The following SNAP25 variants were observed in gnomAD, a reference collection of about 807,000 sequenced individuals.
SNAP25 encodes the protein synaptosome associated protein 25.
A neutral mutation model predicts 28.7 loss-of-function variants in SNAP25; 3 were observed. That is an observed-to-expected ratio of 0.10 (90% CI 0.05 to 0.27). The LOEUF is 0.27. Among genes scored for constraint, SNAP25 ranks in the 10% least tolerant of loss-of-function variants. SNAP25 has a pLI of 1.00. For missense variants in SNAP25, 117 were observed against 278.7 expected, an observed-to-expected ratio of 0.42 and a Z score of 4.13; for synonymous variants, 61 against 88.1, an observed-to-expected ratio of 0.69 and a Z score of 1.72.
At chr20:10,291,570 C>T (rs1452745587) in intron 4 of SNAP25, among the ~76,000 whole-genome samples, 2 of 152,164 alleles carry the variant, frequency 1.3e-5, no homozygotes, top group South Asian at 2.1e-4. Flanking sequence ...TTTAGCCTCA[C>T]GAAAGAAAAC....
At chr20:10,305,756 A>G (rs2064340445) in intron 7 of SNAP25, among the ~76,000 whole-genome samples, 1 of 152,168 alleles carries the variant, frequency 6.6e-6, no homozygotes, top group African/African-American at 2.4e-5. Context: ...AAGAAGTGTA[A>G]TTCAACTTGG....
At chr20:10,298,440 A>G (rs2123153103) in intron 6 of SNAP25, among the ~76,000 whole-genome samples, 1 of 152,300 alleles carries the variant, frequency 6.6e-6, no homozygotes, top group South Asian at 2.1e-4. Flanking sequence ...TTTTAGCTCA[A>G]TACCATATAT....
chr20:10,245,974 A>G (rs1443719680), intron 1 of SNAP25, among the ~76,000 whole-genome samples: 1 of 152,192 alleles, frequency 6.6e-6, no homozygotes, highest in Non-Finnish European at 1.5e-5. Flanking sequence ...CCTTTACCGA[A>G]GTCTGAGACT....
chr20:10,274,924 G>A (rs1387866244), intron 1 of SNAP25, among the ~76,000 whole-genome samples: 1 of 152,076 alleles, frequency 6.6e-6, no homozygotes, highest in East Asian at 1.9e-4. Flanking sequence ...TGGGTGGGTA[G>A]GAAATTTGGA....
chr20:10,289,728 T>A (rs1188227310), intron 4 of SNAP25, among the ~76,000 whole-genome samples: 2 of 149,442 alleles, frequency 1.3e-5, no homozygotes, highest in East Asian at 3.9e-4. Context: ...AGATTAATAG[T>A]ATTAATGCTT....
At chr20:10,256,684 T>C (rs1285562413) in intron 1 of SNAP25, among the ~76,000 whole-genome samples, 2 of 152,098 alleles carry the variant, frequency 1.3e-5, no homozygotes, top group Non-Finnish European at 2.9e-5. Context: ...GTAAATGCAA[T>C]GTTTGTGTAA....
intron 7 of SNAP25, 45 bp downstream of exon 7, chr20:10,299,457 G>A: frequency 6.3e-7 from 1 of 1,582,878 alleles, no homozygotes; most frequent in South Asian, 1.1e-5. Flanking sequence ...AGTCACTTCT[G>A]AAATGACCAA....
intron 1 of SNAP25, among the ~76,000 whole-genome samples, chr20:10,271,733 C>T (rs547472963): frequency 3.3e-4 from 49 of 149,292 alleles, no homozygotes; most frequent in African/African-American, 1.2e-3. Context: ...AGAGGGAGAG[C>T]GAGAGAGAGA....
chr20:10,267,320 A>G (rs572280521), intron 1 of SNAP25, among the ~76,000 whole-genome samples: 41 of 152,320 alleles, frequency 2.7e-4, no homozygotes, highest in African/African-American at 9.4e-4. Flanking sequence ...TCATTTGTCA[A>G]TTCAAGAAGA....
intron 1 of SNAP25, among the ~76,000 whole-genome samples, chr20:10,241,391 A>T (rs769704891): frequency 2.7e-4 from 41 of 152,086 alleles, no homozygotes; most frequent in Non-Finnish European, 4.6e-4. Flanking sequence ...GCCACTCCCC[A>T]TGTATTTACT....
intron 7 of SNAP25, 73 bp from the exon 8 acceptor site, chr20:10,306,056 G>A: frequency 6.9e-7 from 1 of 1,440,064 alleles, no homozygotes; most frequent in Non-Finnish European, 9.7e-7. Flanking sequence ...AGGAAGCATT[G>A]GACCCGGACC....
chr20:10,258,986 A>G (rs1314273279), intron 1 of SNAP25, among the ~76,000 whole-genome samples: 2 of 152,120 alleles, frequency 1.3e-5, no homozygotes, highest in Non-Finnish European at 2.9e-5. Flanking sequence ...AGAGCAAATA[A>G]TTTTCCGGAG....
chr20:10,292,371 G>A (rs2064016771), intron 4 of SNAP25, among the ~76,000 whole-genome samples: 1 of 152,182 alleles, frequency 6.6e-6, no homozygotes, highest in African/African-American at 2.4e-5. Context: ...GCTAGGGGAA[G>A]AAAAGACATC....
chr20:10,254,536 C>T (rs776116218), intron 1 of SNAP25, among the ~76,000 whole-genome samples: 1 of 152,204 alleles, frequency 6.6e-6, no homozygotes, highest in Admixed American at 6.5e-5. Context: ...CGCGCACTCC[C>T]ACCTCCAGTA....
intron 1 of SNAP25, among the ~76,000 whole-genome samples, chr20:10,274,641 A>G (rs2063655534): frequency 1.3e-5 from 2 of 152,174 alleles, no homozygotes; most frequent in African/African-American, 4.8e-5. Flanking sequence ...CAGGAGATCG[A>G]GACCATCCTG....
chr20:10,304,963 T>C (rs950705579), intron 7 of SNAP25, among the ~76,000 whole-genome samples: 3 of 152,236 alleles, frequency 2.0e-5, no homozygotes, highest in Admixed American at 1.3e-4. Flanking sequence ...GTTAATTTTA[T>C]ACAATTATGA....
intron 1 of SNAP25, among the ~76,000 whole-genome samples, chr20:10,264,345 G>A (rs999192437): frequency 4.6e-5 from 7 of 152,156 alleles, no homozygotes; most frequent in African/African-American, 1.7e-4. Flanking sequence ...TTTAGGAATG[G>A]TGTGGGGTGG....
intron 2 of SNAP25, 64 bp downstream of exon 2, chr20:10,275,627 G>T: frequency 7.5e-7 from 1 of 1,337,270 alleles, no homozygotes; most frequent in South Asian, 1.5e-5. Flanking sequence ...GTCTTATTCA[G>T]GTTCAGGTAG....
chr20:10,229,216 A>G (rs192610141), intron 1 of SNAP25, among the ~76,000 whole-genome samples: 88 of 152,270 alleles, frequency 5.8e-4, no homozygotes, highest in Non-Finnish European at 9.9e-4. Context: ...TACTGAAGCT[A>G]CATCTGTTGG....
Sources: allele counts gnomAD v4.1 joint callset (sites outside exome capture counted in the v4.1 genomes callset), GRCh38; gene constraint gnomAD v4.1.1; transcripts MANE v1.5; gene names NCBI Gene and HGNC (gene_info 2026-07-23, HGNC 2026-07-21).